The following SLC5A10 variants were observed in gnomAD, a reference collection of about 807,000 sequenced individuals.
The protein encoded by SLC5A10 is solute carrier family 5 member 10.
SLC5A10 carries 55 observed loss-of-function variants against 68.9 expected under a neutral mutation model. The ratio of observed to expected loss-of-function variants is 0.80; its 90% CI spans 0.64 to 1.00. The LOEUF (loss-of-function observed/expected upper bound fraction) is 1.00, where lower values mean the gene tolerates loss of function less well. SLC5A10 is among the 50% of genes least tolerant of loss of function. The probability of loss-of-function intolerance (pLI) is 0.00; values close to 1 mark genes in which losing one functional copy is unlikely to be tolerated. For synonymous variants in SLC5A10, 344 were observed against 344.8 expected (o/e 1.00, Z 0.02); for missense variants, 732 against 819.3 (o/e 0.89, Z 1.30).
At position 18,971,397 on chromosome 17, in the gene SLC5A10, G is replaced by T. The variant is rs778257113; in HGVS notation, c.846+179G>T. ...CGGTCCCGGGGGGCTTGAGCCCTCC[G>T]TTTAGAATCCGATGAGGCCCACTGG... On this transcript the variant is annotated intron_variant, in intron 8 of 14. Transcript: ENST00000395645. This position sits in a 1 kb window ranked among gnomAD's most constrained non-coding sequence, Gnocchi z 5.5. The T allele has an allele frequency of 6.2e-7, 1 of 1,613,644 alleles. No individual in the cohort carries two copies. The highest frequency in any genetic ancestry group is 1.7e-5 in the Admixed American group (1 of 60,008).
In SLC5A10 at chr17:19,003,602, G is replaced by C; in HGVS notation, c.983-9808G>C. 2.5e-6 allele frequency: 4 copies of C among 1,611,118 alleles called. No homozygotes were observed. Among genetic ancestry groups the C allele is most frequent in the Non-Finnish European group, 3.4e-6 (4 of 1,178,832 alleles). ...TATGGGGGGCTGCATGTAGACGCTAGCCCGGGTCACGCCGCGGTAGGCGAT... is the reference window on the plus strand; with the variant it reads ...TATGGGGGGCTGCATGTAGACGCTACCCCGGGTCACGCCGCGGTAGGCGAT... On this transcript the variant is annotated intron_variant, in intron 9 of 14. Coordinates refer to ENST00000395645, the MANE Select transcript of SLC5A10 (RefSeq NM_001042450.4). The surrounding 1 kb of genome is among the most constrained non-coding windows in gnomAD (Gnocchi z 4.5).
intron 9 of SLC5A10, among the ~76,000 whole-genome samples, chr17:19,010,621 A>G (rs2152149751): frequency 6.6e-6 from 1 of 151,660 alleles, no homozygotes; most frequent in Non-Finnish European, 1.5e-5. Flanking sequence ...GGCTGAAGAA[A>G]CTCACAAAGA....
chr17:18,986,629 C>A (rs1450552318), intron 9 of SLC5A10, among the ~76,000 whole-genome samples: 1 of 152,248 alleles, frequency 6.6e-6, no homozygotes, highest in Non-Finnish European at 1.5e-5. Context: ...GCGGAGCAGC[C>A]AGGGCTTCTC....
chr17:19,015,022 G>C, intron 10 of SLC5A10, 27 bp from the exon 11 acceptor site: 1 of 1,605,202 alleles, frequency 6.2e-7, no homozygotes, highest in Admixed American at 1.7e-5. Context: ...GGCCGGACAG[G>C]GTCACACATC....
rs757792189 is a variant in SLC5A10 at position 19,013,499 on chromosome 17, A to G, written c.1072A>G (p.Met358Val). 4.4e-6 allele frequency: 7 copies of G among 1,592,048 alleles called. No individual in the cohort carries two copies. Among genetic ancestry groups the G allele is most frequent in the East Asian group, 4.6e-5 (2 of 43,738 alleles). The change falls in exon 10 of 15, where the codon ATG (methionine) becomes GTG (valine). Residue 358 changes from methionine to valine, a missense_variant. Physicochemically the swap from Met to Val is conservative, Grantham distance 21. Coordinates refer to ENST00000395645, the MANE Select transcript of SLC5A10 (RefSeq NM_001042450.4). Reference protein sequence around the residue: ...CSNIAYPKLVMELMPIGLRGL... With the variant: ...CSNIAYPKLVVELMPIGLRGL... ...CAACATCGCCTACCCCAAGCTGGTC[A>G]TGGAACTGATGCCCATCGGTGAGGC...
At chr17:18,977,395 A>G (rs2043006063) in intron 9 of SLC5A10, 2 of 626,152 alleles carry the variant, frequency 3.2e-6, no homozygotes, top group Non-Finnish European at 5.4e-6. Context: ...CCCCAGCATT[A>G]ATGATGGCCT....
At chr17:18,958,604 C>G (rs1168021444) in intron 1 of SLC5A10, 78 bp from the exon 2 acceptor site, 3 of 1,280,270 alleles carry the variant, frequency 2.3e-6, no homozygotes, top group Non-Finnish European at 2.3e-6. Context: ...TTTTGAGGAG[C>G]TGCCAAGCCG....
intron 6 of SLC5A10, 31 bp from the exon 7 acceptor site, chr17:18,969,311 C>G (rs781509862): frequency 1.2e-6 from 2 of 1,607,558 alleles, no homozygotes; most frequent in Non-Finnish European, 1.7e-6. Context: ...GGGGCCAGGG[C>G]CCCCTCCAGC....
At chr17:18,976,187 C>CAAAAAAAGAAAAAAA (rs2042974852) in intron 8 of SLC5A10, 1 of 108,466 alleles carries the variant, frequency 9.2e-6, no homozygotes, top group Non-Finnish European at 1.9e-5. Context: ...GACTCCGACT[C>CAAAAAAAGAAAAAAA]AAAAAAAAAG....
In SLC5A10 at chr17:19,021,557, G is replaced by C. The variant is rs1049534860; in HGVS notation, c.*1126G>C. The C allele has an allele frequency of 2.6e-5, 9 of 350,726 alleles. No individual in the cohort carries two copies. Among genetic ancestry groups the C allele is most frequent in the Non-Finnish European group, 4.1e-5 (8 of 195,336 alleles). The allele number at this position is 350,726 out of a possible 1,614,324, so 21.7% of individuals were successfully genotyped here. On this transcript the variant is annotated 3_prime_UTR_variant, in exon 15 of 15. Transcript: ENST00000395645. This position sits in a 1 kb window ranked among gnomAD's most constrained non-coding sequence, Gnocchi z 4.1. ...GGAGGGGCAGGCAGGCCCAGTGGGT[G>C]GTCAGCCCAAGGTGAACCCACCCAC...
chr17:19,016,570 C>T (rs958511362), intron 11 of SLC5A10, among the ~76,000 whole-genome samples: 1 of 152,204 alleles, frequency 6.6e-6, no homozygotes, highest in Non-Finnish European at 1.5e-5. Flanking sequence ...AGGCAGCTGT[C>T]CCAGGGATGC....
intron 9 of SLC5A10, among the ~76,000 whole-genome samples, chr17:18,994,675 T>G (rs148561495): frequency 6.6e-6 from 1 of 152,044 alleles, no homozygotes; most frequent in Non-Finnish European, 1.5e-5. Context: ...AACACACAGG[T>G]CCTGCAGGGG....
Position 18,958,755 on chromosome 17 carries a change from T to A in SLC5A10, c.183+2T>A. 6 of 1,614,078 alleles carry A rather than the reference T, an allele frequency of 3.7e-6. No individual in the cohort carries two copies. The highest frequency in any genetic ancestry group is 5.1e-6 in the Non-Finnish European group (6 of 1,179,978). On this transcript the variant is annotated splice_donor_variant, in intron 2 of 14. Transcript: ENST00000395645. LOFTEE classifies it high-confidence loss of function. Reference sequence around the variant, plus strand: ...GGCCGGGACATGACGTGGTGGCCGGTGAGTGCACCCTGACTTCTCACACAC... The same window carrying A: ...GGCCGGGACATGACGTGGTGGCCGGAGAGTGCACCCTGACTTCTCACACAC...
In SLC5A10 at chr17:18,971,105, C is replaced by T; in HGVS notation, c.733C>T (p.Pro245Ser). 1 of 1,614,136 alleles carries T rather than the reference C, an allele frequency of 6.2e-7. No individual in the cohort carries two copies. The highest frequency in any genetic ancestry group is 1.1e-5 in the South Asian group (1 of 91,088). The change falls in exon 8 of 15, where the codon CCA becomes TCA. Residue 245 changes from proline to serine, a missense_variant. By Grantham distance (74) the Pro-to-Ser change is moderately conservative. Transcript: ENST00000395645. This position sits in a 1 kb window ranked among gnomAD's most constrained non-coding sequence, Gnocchi z 5.5. The part of the protein sequence containing the change: ...RTIANTTCHL[P>S]RTDAMHMFRD... The stretch of plus-strand genomic sequence containing the variant: ...CATTGCCAACACCACCTGCCACCTG[C>T]CACGTACAGACGCCATGCACATGTT...
At chr17:18,978,822 G>T (rs1006232643) in intron 9 of SLC5A10, 1 of 1,612,608 alleles carries the variant, frequency 6.2e-7, no homozygotes, top group Non-Finnish European at 8.5e-7. Flanking sequence ...ATCACATTCC[G>T]GTCCGTCCGC....
chr17:19,013,155 G>A (rs953325873), intron 9 of SLC5A10, among the ~76,000 whole-genome samples: 2 of 152,236 alleles, frequency 1.3e-5, no homozygotes, highest in Admixed American at 6.5e-5. Flanking sequence ...CAGAGCCAAC[G>A]GCAGGTGAGC....
Position 18,996,653 on chromosome 17 carries a change from C to T in SLC5A10, c.983-16757C>T, listed in dbSNP as rs1250979211. Among the ~76,000 whole-genome samples, 6 of 152,148 alleles carry T rather than the reference C, an allele frequency of 3.9e-5. No homozygotes were observed. Among genetic ancestry groups the T allele is most frequent in the East Asian group, 3.9e-4 (2 of 5,194 alleles). On this transcript the variant is annotated intron_variant, in intron 9 of 14. Coordinates refer to ENST00000395645, the MANE Select transcript of SLC5A10 (RefSeq NM_001042450.4). The surrounding 1 kb of genome is among the most constrained non-coding windows in gnomAD (Gnocchi z 4.4). Reference sequence around the variant, plus strand: ...GGATAATTAGGCCAACCAGCTGGCACGCATACAGGTGTCCCTTTTCTGGAG... The same window carrying T: ...GGATAATTAGGCCAACCAGCTGGCATGCATACAGGTGTCCCTTTTCTGGAG...
At chr17:18,978,917 C>T in intron 9 of SLC5A10, 1 of 1,559,600 alleles carries the variant, frequency 6.4e-7, no homozygotes, top group Non-Finnish European at 8.7e-7. Context: ...CCCCCGTGCA[C>T]CCATAGCCGC....
intron 9 of SLC5A10, among the ~76,000 whole-genome samples, chr17:18,982,690 C>T (rs1477981195): frequency 1.3e-5 from 2 of 152,186 alleles, no homozygotes; most frequent in Non-Finnish European, 2.9e-5. Flanking sequence ...CCAATCCCCC[C>T]AGGCCTCCAG....
Sources: gnomAD v4.1 joint callset for allele counts (sites outside exome capture counted in the v4.1 genomes callset) on GRCh38, gnomAD v4.1.1 for gene constraint, Gnocchi (gnomAD v3.1) non-coding constraint, MANE v1.5 for transcripts, NCBI Gene and HGNC (gene_info 2026-07-23, HGNC 2026-07-21) for gene names.